EYA2: variants seen among roughly 807,000 people sequenced by gnomAD.
The protein encoded by EYA2 is protein phosphatase EYA2.
In EYA2, 31 loss-of-function variants were observed where a neutral mutation model predicts 69.2. The observed-to-expected ratio is 0.45, with a 90% CI of 0.34 to 0.60. EYA2 has a LOEUF of 0.60. Ranked by LOEUF, EYA2 falls within the 20% of genes least tolerant of loss-of-function variation. The pLI is 0.02. For synonymous variants in EYA2, 257 were observed against 279.4 expected, an observed-to-expected ratio of 0.92 and a Z score of 0.80; for missense variants, 622 against 701.2, an observed-to-expected ratio of 0.89 and a Z score of 1.28.
Position 47,188,228 on chromosome 20 carries a change from C to T in EYA2, c.*95C>T. 3.1e-6 allele frequency: 4 copies of T among 1,287,726 alleles called. No individual in the cohort carries two copies. In the Middle Eastern group the frequency reaches 5.5e-4, roughly 176 times the overall value. 79.8% of individuals were successfully genotyped at this position (1,287,726 alleles called of 1,614,324 possible). A position where few individuals can be genotyped will look rare whatever the true frequency, so the allele number is the denominator to read the frequency against. On this transcript the variant is annotated 3_prime_UTR_variant, in exon 16 of 16. Coordinates refer to ENST00000327619, the MANE Select transcript of EYA2 (RefSeq NM_005244.5). ...GAACTCCAGAGACCCAGATGTTGGA[C>T]ACCAGGAAGGGGCCCCACAGCCGAG... is the stretch of plus-strand genomic sequence containing the variant.
At chr20:47,165,271 T>A (rs1241401121) in intron 10 of EYA2, among the ~76,000 whole-genome samples, 1 of 152,188 alleles carries the variant, frequency 6.6e-6, no homozygotes, top group Non-Finnish European at 1.5e-5. Flanking sequence ...GGGTAGATTA[T>A]ACCTGAGACC....
intron 1 of EYA2, among the ~76,000 whole-genome samples, chr20:46,895,399 G>T (rs1182677226): frequency 6.6e-6 from 1 of 152,256 alleles, no homozygotes; most frequent in Non-Finnish European, 1.5e-5. Flanking sequence ...AAGCCCTCAG[G>T]TAGTGTTTAT....
chr20:47,183,970 G>A (rs1036568322), intron 15 of EYA2, among the ~76,000 whole-genome samples: 16 of 152,210 alleles, frequency 1.1e-4, no homozygotes, highest in African/African-American at 3.4e-4. Flanking sequence ...CCTTAATTAG[G>A]GGGACCTGGT....
At chr20:47,055,278 C>T (rs2030551239) in intron 5 of EYA2, among the ~76,000 whole-genome samples, 1 of 152,228 alleles carries the variant, frequency 6.6e-6, no homozygotes, top group Non-Finnish European at 1.5e-5. Flanking sequence ...ACGTGTATAA[C>T]TTGTTTCAGA....
chr20:47,018,871 C>G (rs1428595718), intron 5 of EYA2, among the ~76,000 whole-genome samples: 1 of 152,196 alleles, frequency 6.6e-6, no homozygotes, highest in East Asian at 1.9e-4. Context: ...TCCAGTTTCT[C>G]TGGTGCCACT....
chr20:47,110,045 C>T (rs1182293071), intron 9 of EYA2, among the ~76,000 whole-genome samples: 14 of 152,168 alleles, frequency 9.2e-5, no homozygotes, highest in African/African-American at 2.4e-4. Context: ...AGAGCTGTGA[C>T]GAGCAACCTT....
intron 1 of EYA2, among the ~76,000 whole-genome samples, chr20:46,948,291 CA>C (rs1978595240): frequency 6.6e-6 from 1 of 152,138 alleles, no homozygotes; most frequent in Non-Finnish European, 1.5e-5. Context: ...TAAAAACAGT[CA>C]GAGACAACAT....
intron 1 of EYA2, among the ~76,000 whole-genome samples, chr20:46,955,205 C>T (rs1191740820): frequency 3.3e-5 from 5 of 149,784 alleles, no homozygotes; most frequent in Admixed American, 1.3e-4. Context: ...GGCGCGATCT[C>T]GGCTCACCGC....
At chr20:47,103,141 T>C (rs749271912) in intron 9 of EYA2, among the ~76,000 whole-genome samples, 9 of 152,172 alleles carry the variant, frequency 5.9e-5, no homozygotes, top group Non-Finnish European at 1.2e-4. Flanking sequence ...ACCCTTTCGA[T>C]GTGTACAATT....
chr20:46,985,983 C>T (rs1029107), intron 1 of EYA2, among the ~76,000 whole-genome samples: 43 of 152,212 alleles, frequency 2.8e-4, no homozygotes, highest in African/African-American at 8.9e-4. Flanking sequence ...TTTTTAACCT[C>T]ATTGTTTATT....
intron 1 of EYA2, among the ~76,000 whole-genome samples, chr20:46,899,486 A>T (rs1373455903): frequency 2.0e-5 from 3 of 152,346 alleles, no homozygotes; most frequent in African/African-American, 7.2e-5. Flanking sequence ...CGATACTAAC[A>T]CTACGCATTT....
At chr20:47,004,229 CGA>C (rs1228818396) in intron 3 of EYA2, among the ~76,000 whole-genome samples, 2 of 152,020 alleles carry the variant, frequency 1.3e-5, no homozygotes, top group Non-Finnish European at 2.9e-5. Context: ...AATCAGGCCT[CGA>C]GAGAGATTAA....
At chr20:46,908,067 C>T (rs544021027) in intron 1 of EYA2, among the ~76,000 whole-genome samples, 2 of 152,306 alleles carry the variant, frequency 1.3e-5, no homozygotes, top group South Asian at 2.1e-4. Context: ...GTGCCTCCCG[C>T]TTCCATTTCC....
At chr20:46,969,557 T>TTGTC (rs1474218149) in intron 1 of EYA2, among the ~76,000 whole-genome samples, 1 of 152,166 alleles carries the variant, frequency 6.6e-6, no homozygotes, top group Non-Finnish European at 1.5e-5. Context: ...TTGTTTTTGT[T>TTGTC]TGTTTACTTA....
At chr20:47,144,808 G>A (rs1340686013) in intron 10 of EYA2, among the ~76,000 whole-genome samples, 1 of 152,230 alleles carries the variant, frequency 6.6e-6, no homozygotes, top group Non-Finnish European at 1.5e-5. Context: ...GCTTGGGACT[G>A]TCTCTATTCA....
intron 10 of EYA2, among the ~76,000 whole-genome samples, chr20:47,154,750 T>C (rs1254496972): frequency 6.6e-6 from 1 of 151,872 alleles, no homozygotes; most frequent in Non-Finnish European, 1.5e-5. Flanking sequence ...GAAGTCCCAA[T>C]GTTCATGGAG....
intron 1 of EYA2, among the ~76,000 whole-genome samples, chr20:46,932,369 G>C (rs1358560382): frequency 3.9e-5 from 6 of 152,294 alleles, no homozygotes; most frequent in African/African-American, 1.2e-4. Flanking sequence ...GGCTTTAAAG[G>C]ATGTGGGCTC....
intron 1 of EYA2, among the ~76,000 whole-genome samples, chr20:46,934,364 G>A (rs1985813125): frequency 1.8e-5 from 2 of 111,736 alleles, no homozygotes; most frequent in East Asian, 2.1e-4. Flanking sequence ...CTTCCTTGTC[G>A]TGGTGGTCCC....
intron 5 of EYA2, among the ~76,000 whole-genome samples, chr20:47,017,953 C>T (rs775228831): frequency 3.9e-5 from 6 of 152,182 alleles, no homozygotes; most frequent in East Asian, 3.8e-4. Context: ...GCTGTAACCC[C>T]GGCACTTTCC....
Sources: allele counts gnomAD v4.1 joint callset (sites outside exome capture counted in the v4.1 genomes callset), GRCh38; gene constraint gnomAD v4.1.1; transcripts MANE v1.5; gene names NCBI Gene and HGNC (gene_info 2026-07-23, HGNC 2026-07-21).